Variants in MDN1 observed in about 807,000 individuals in gnomAD.
The protein encoded by MDN1 is midasin AAA ATPase 1.
A neutral mutation model predicts 669.2 loss-of-function variants in MDN1; 266 were observed. The ratio of observed to expected loss-of-function variants is 0.40; its 90% confidence interval spans 0.36 to 0.44. The LOEUF (loss-of-function observed/expected upper bound fraction) is 0.44. Among genes scored for constraint, MDN1 ranks in the 20% least tolerant of loss-of-function variants. The pLI, the probability that MDN1 is intolerant of heterozygous loss-of-function variation, is 1.00. For synonymous variants in MDN1, 2,385 were observed against 2,457.1 expected, an observed-to-expected ratio of 0.97 and a Z score of 0.87; for missense variants, 5,940 against 6,754.0, an observed-to-expected ratio of 0.88 and a Z score of 4.22.
At chr6:89,702,311 T>C (rs973956463) in intron 53 of MDN1, among the ~76,000 whole-genome samples, 13 of 152,200 alleles carry the variant, frequency 8.5e-5, no homozygotes, top group African/African-American at 3.1e-4. Flanking sequence ...AGCATGAAGT[T>C]ATTAGAGAAA....
At chr6:89,771,769 C>T (rs1411025533) in intron 14 of MDN1, 148 bp from the exon 15 acceptor site, 28 of 662,352 alleles carry the variant, frequency 4.2e-5, no homozygotes, top group Non-Finnish European at 6.7e-5. Context: ...AGTGCAGTGG[C>T]CCAATCATGG....
chr6:89,810,788 G>C (rs61349600), intron 1 of MDN1, among the ~76,000 whole-genome samples: 28,986 of 151,858 alleles, frequency 0.19, 2,884 homozygotes, highest in African/African-American at 0.25. Flanking sequence ...ACTTGAGGTC[G>C]GGAGTTAGAG....
intron 25 of MDN1, 67 bp from the exon 26 acceptor site, chr6:89,749,436 T>A (rs781669114): frequency 5.1e-5 from 82 of 1,597,064 alleles, no homozygotes; most frequent in Non-Finnish European, 6.8e-5. Context: ...GGCTCTGACA[T>A]TCACCATAAA....
At position 89,644,129 on chromosome 6, in the gene MDN1, G is replaced by C. The variant is rs1276362369; in HGVS notation, c.16667C>G (p.Ser5556Cys). ...KGPGEMPEIR[S>C]YMEEFPFPYY... ...TGGGAATGGGAACTCTTCCATGTAG[G>C]ATCGGATTTCAGGCATCTCTCCAGG... The change falls in exon 102 of 102, where the codon TCC (serine) becomes TGC (cysteine). Residue 5556 changes from serine to cysteine, a missense_variant. Coordinates refer to ENST00000369393, the MANE Select transcript of MDN1 (RefSeq NM_014611.3). 6.2e-7 allele frequency: 1 copy of C among 1,614,082 alleles called. No homozygotes were observed. Among genetic ancestry groups the C allele is most frequent in the African/African-American group, 1.3e-5 (1 of 75,016 alleles).
chr6:89,743,537 G>GT (rs3215598), intron 30 of MDN1, 39 bp downstream of exon 30: 272,717 of 1,598,674 alleles, frequency 0.17, 25,007 homozygotes, highest in South Asian at 0.29. Context: ...GCTAACTGCA[G>GT]TTTTTTAAAA....
chr6:89,791,371 T>C (rs962006404), intron 5 of MDN1, among the ~76,000 whole-genome samples: 1 of 152,166 alleles, frequency 6.6e-6, no homozygotes, highest in Non-Finnish European at 1.5e-5. Context: ...TTTTTAGGTA[T>C]AATAACAATA....
At chr6:89,784,644 T>C (rs1034950130) in intron 9 of MDN1, among the ~76,000 whole-genome samples, 6 of 152,218 alleles carry the variant, frequency 3.9e-5, no homozygotes, top group African/African-American at 1.4e-4. Context: ...AAAATGTCCA[T>C]TAAGTGTGAA....
rs146477127 is a variant in MDN1, at chr6:89,763,950, C to T, written c.2145-1420G>A. Among the ~76,000 whole-genome samples the T allele has an allele frequency of 7.8e-3, 1,181 of 152,310 alleles. 27 individuals are homozygous for T. Among genetic ancestry groups the T allele is most frequent in the African/African-American group, 0.027 (1,123 of 41,572 alleles). On this transcript the variant is annotated intron_variant, in intron 15 of 101. Transcript: ENST00000369393. ...TGTACTGAGGCCAGGCACAGTGGCTCATGCCTGTAATCCCACCACTTCGGG... is the reference window on the plus strand; with the variant it reads ...TGTACTGAGGCCAGGCACAGTGGCTTATGCCTGTAATCCCACCACTTCGGG...
At chr6:89,819,394 A>C in intron 1 of MDN1, 112 bp downstream of exon 1, 1 of 1,014,586 alleles carries the variant, frequency 9.9e-7, no homozygotes, top group Non-Finnish European at 1.5e-6. Context: ...GCTTGACCTG[A>C]GGCTGCACCA....
chr6:89,682,710 A>C (rs1584175736), intron 73 of MDN1, among the ~76,000 whole-genome samples: 1 of 147,930 alleles, frequency 6.8e-6, no homozygotes. Context: ...AAAAAAAAAA[A>C]AAAAAAAAAA....
At position 89,723,015 on chromosome 6, in the gene MDN1, A is replaced by G; in HGVS notation, c.5907T>C (p.Pro1969=). ...CATAGACCAAAAACACATGCTGACC[A>G]GGATCATAACACCCAGGGGACTGGT... The part of the protein sequence containing the change: ...LVDQSPGCYD[P]GQHVFLVYGE... The change falls in exon 40 of 102, where the codon CCT becomes CCC. Residue 1969 remains proline (P), a synonymous_variant. Coordinates refer to ENST00000369393, the MANE Select transcript of MDN1 (RefSeq NM_014611.3). 1 of 1,614,108 alleles carries G rather than the reference A, an allele frequency of 6.2e-7. No individual in the cohort carries two copies. The highest frequency in any genetic ancestry group is 8.5e-7 in the Non-Finnish European group (1 of 1,179,964).
At chr6:89,688,376 A>G (rs1234541238) in intron 66 of MDN1, among the ~76,000 whole-genome samples, 197 bp downstream of exon 66, 1 of 152,200 alleles carries the variant, frequency 6.6e-6, no homozygotes, top group Admixed American at 6.5e-5. Flanking sequence ...AGAATCCCCA[A>G]TCATTTACAC....
chr6:89,772,855 A>C (rs2128322964), intron 13 of MDN1, 134 bp from the exon 14 acceptor site: 1 of 965,442 alleles, frequency 1.0e-6, no homozygotes, highest in Non-Finnish European at 1.5e-6. Flanking sequence ...AAGCTATACC[A>C]GATAATCTTA....
At chr6:89,660,956 G>A (rs1474016187) in intron 88 of MDN1, among the ~76,000 whole-genome samples, 4 of 152,130 alleles carry the variant, frequency 2.6e-5, no homozygotes, top group Admixed American at 6.5e-5. Flanking sequence ...ACAAAGGCAC[G>A]AAATACTGTC....
chr6:89,728,592 A>C (rs1476949114), intron 36 of MDN1, among the ~76,000 whole-genome samples: 1 of 152,188 alleles, frequency 6.6e-6, no homozygotes, highest in Non-Finnish European at 1.5e-5. Flanking sequence ...ACACTTTGGG[A>C]GGCCAAGGCA....
intron 24 of MDN1, 28 bp from the exon 25 acceptor site, chr6:89,749,779 G>A: frequency 6.6e-7 from 1 of 1,514,052 alleles, no homozygotes; most frequent in Non-Finnish European, 9.2e-7. Flanking sequence ...GCAAGAACTA[G>A]TGTATAAATC....
chr6:89,747,543 T>C (rs1158162369), intron 26 of MDN1, 73 bp from the exon 27 acceptor site: 6 of 1,395,952 alleles, frequency 4.3e-6, no homozygotes, highest in Non-Finnish European at 2.9e-6. Flanking sequence ...ACAATGCATA[T>C]AAAATTCATA....
chr6:89,666,083 C>T (rs568270429), intron 84 of MDN1, among the ~76,000 whole-genome samples: 1 of 152,144 alleles, frequency 6.6e-6, no homozygotes, highest in Non-Finnish European at 1.5e-5. Flanking sequence ...CCCCATAACA[C>T]CTCCATCCTC....
intron 100 of MDN1, among the ~76,000 whole-genome samples, 199 bp downstream of exon 100, chr6:89,646,341 G>A (rs1808490026): frequency 6.6e-6 from 1 of 152,122 alleles, no homozygotes; most frequent in Non-Finnish European, 1.5e-5. Context: ...TTGATTATAA[G>A]CCTCATGAGT....
Sources: allele counts gnomAD v4.1 joint callset (sites outside exome capture counted in the v4.1 genomes callset), GRCh38; gene constraint gnomAD v4.1.1; transcripts MANE v1.5; gene names NCBI Gene and HGNC (gene_info 2026-07-23, HGNC 2026-07-21).